Variants in IL18 observed in about 807,000 individuals in gnomAD.
The protein encoded by IL18 is interleukin 18, also known as interleukin-18.
A neutral mutation model predicts 14.2 loss-of-function variants in IL18; 8 were observed. The observed-to-expected ratio is 0.56, with a 90% CI of 0.33 to 1.01. The LOEUF is 1.01. Among genes scored for constraint, IL18 ranks in the 50% least tolerant of loss-of-function variants. The pLI is 0.03. For missense variants in IL18, 166 were observed against 231.1 expected (o/e 0.72, Z 1.83); for synonymous variants, 67 against 71.0 (o/e 0.94, Z 0.28).
intron 1 of IL18, among the ~76,000 whole-genome samples, chr11:112,162,231 T>A (rs1011730322): frequency 2.6e-5 from 4 of 152,196 alleles, no homozygotes; most frequent in Non-Finnish European, 5.9e-5. Flanking sequence ...CAAAGAATGC[T>A]TAAAGATTTG....
intron 5 of IL18, among the ~76,000 whole-genome samples, chr11:112,144,813 G>T (rs766461442): frequency 6.6e-6 from 1 of 152,220 alleles, no homozygotes; most frequent in Non-Finnish European, 1.5e-5. Context: ...CCCTGCCTTA[G>T]AAGGCCAAAT....
intron 5 of IL18, among the ~76,000 whole-genome samples, chr11:112,147,600 G>C (rs1262524085): frequency 6.6e-6 from 1 of 152,302 alleles, no homozygotes. Context: ...TCACCTGAAG[G>C]GGTGGCACTC....
In IL18 at chr11:112,154,988, C is replaced by G. The variant is rs200077778; in HGVS notation, c.66G>C (p.Thr22=). ...NFVAMKFIDN[T]LYFIAEDDEN... ...CATTAGCCTTACCTATAAAGTAAAGCGTATTGTCAATAAATTTCATTGCCA... is the reference window on the plus strand; with the variant it reads ...CATTAGCCTTACCTATAAAGTAAAGGGTATTGTCAATAAATTTCATTGCCA... Residue 22 remains threonine, a synonymous_variant, in exon 2 of 6, where the codon ACG becomes ACC. Transcript: ENST00000280357. 10 of 1,604,220 alleles carry G rather than the reference C, an allele frequency of 6.2e-6. No individual in the cohort carries two copies. In the African/African-American group the frequency reaches 1.3e-4, roughly 21 times the overall value.
chr11:112,150,034 A>T, intron 4 of IL18, 38 bp downstream of exon 4: 1 of 1,554,514 alleles, frequency 6.4e-7, no homozygotes, highest in Non-Finnish European at 8.7e-7. Flanking sequence ...GGGAAGAAGT[A>T]GCTAGTCATT....
chr11:112,148,753 A>G lies in IL18; in HGVS notation c.227-17T>C. 1 of 1,358,450 alleles carries G rather than the reference A, an allele frequency of 7.4e-7. No homozygotes were observed. The highest frequency in any genetic ancestry group is 9.7e-7 in the Non-Finnish European group (1 of 1,032,624). 84.1% of individuals were successfully genotyped at this position (1,358,450 alleles called of 1,614,324 possible). Reference sequence around the variant, plus strand: ...GTGCATTATCTGAAATAAATATAATAAATGAGAACTCTAGTTAGAAGAATT... The same window carrying G: ...GTGCATTATCTGAAATAAATATAATGAATGAGAACTCTAGTTAGAAGAATT... On this transcript the variant is annotated splice_polypyrimidine_tract_variant and intron_variant, in intron 4 of 5. Coordinates refer to ENST00000280357, the MANE Select transcript of IL18 (RefSeq NM_001562.4).
At chr11:112,151,862 C>T (rs1866444680) in intron 3 of IL18, among the ~76,000 whole-genome samples, 1 of 152,172 alleles carries the variant, frequency 6.6e-6, no homozygotes, top group African/African-American at 2.4e-5. Context: ...TTTGGTTAGT[C>T]TGCTCTCTGT....
At chr11:112,162,357 T>C (rs75713016) in intron 1 of IL18, among the ~76,000 whole-genome samples, 2 of 151,164 alleles carry the variant, frequency 1.3e-5, no homozygotes, top group Non-Finnish European at 3.0e-5. Flanking sequence ...TTTTTTTTTT[T>C]TGAGACATGG....
intron 1 of IL18, among the ~76,000 whole-genome samples, chr11:112,157,495 C>G (rs1477484903): frequency 6.6e-6 from 1 of 152,194 alleles, no homozygotes; most frequent in Non-Finnish European, 1.5e-5. Flanking sequence ...TTGGCTCCTA[C>G]TCTCCAGTGA....
chr11:112,158,445 C>T (rs1239626371), intron 1 of IL18, among the ~76,000 whole-genome samples: 1 of 149,516 alleles, frequency 6.7e-6, no homozygotes, highest in Non-Finnish European at 1.5e-5. Context: ...CTCCACACAG[C>T]CTATTATGGT....
chr11:112,148,839 A>G, intron 4 of IL18, 103 bp from the exon 5 acceptor site: 2 of 616,160 alleles, frequency 3.2e-6, no homozygotes, highest in Middle Eastern at 4.9e-4. Flanking sequence ...ACCTGTTCCC[A>G]CTTTGAGACT....
At chr11:112,146,665 C>T (rs1866348427) in intron 5 of IL18, among the ~76,000 whole-genome samples, 1 of 152,006 alleles carries the variant, frequency 6.6e-6, no homozygotes, top group African/African-American at 2.4e-5. Context: ...CTTTTATAAC[C>T]ACTGCTAAGA....
chr11:112,143,935 C>T (rs1363881068), intron 5 of IL18, 118 bp from the exon 6 acceptor site: 1 of 664,450 alleles, frequency 1.5e-6, no homozygotes, highest in Admixed American at 3.0e-5. Flanking sequence ...TCAAGAGTTA[C>T]ATAAAAAAAA....
intron 1 of IL18, among the ~76,000 whole-genome samples, chr11:112,163,289 T>G (rs150893115): frequency 4.0e-4 from 61 of 152,354 alleles, no homozygotes; most frequent in African/African-American, 1.4e-3. Flanking sequence ...ATTTTTTGTT[T>G]GCTTTTAATG....
chr11:112,148,844 G>A, intron 4 of IL18, 108 bp from the exon 5 acceptor site: 1 of 593,726 alleles, frequency 1.7e-6, no homozygotes, highest in Non-Finnish European at 2.6e-6. Context: ...TTCCCACTTT[G>A]AGACTTGGCC....
Position 112,147,788 on chromosome 11 carries a change from C to T in IL18, c.360+815G>A, listed in dbSNP as rs117178446. On this transcript the variant is annotated intron_variant, in intron 5 of 5. Coordinates refer to ENST00000280357, the MANE Select transcript of IL18 (RefSeq NM_001562.4). ...AGTGGGGACTGGGTGGGCATGAAAG[C>T]GGTTATTTATTGGCAAATCTCCACT... Among the ~76,000 whole-genome samples the T allele has an allele frequency of 3.2e-4, 48 of 152,152 alleles. 1 individual carries two copies. The East Asian group carries it at 8.5e-3, about 27-fold the overall frequency.
At chr11:112,159,950 T>C (rs1269072412) in intron 1 of IL18, among the ~76,000 whole-genome samples, 1 of 152,102 alleles carries the variant, frequency 6.6e-6, no homozygotes, top group Admixed American at 6.5e-5. Context: ...GGGGGAGAGT[T>C]ATATACATGT....
At chr11:112,151,274 T>C (rs1436823332) in intron 3 of IL18, among the ~76,000 whole-genome samples, 1 of 152,160 alleles carries the variant, frequency 6.6e-6, no homozygotes, top group African/African-American at 2.4e-5. Flanking sequence ...GAGATGTCCA[T>C]ATATATCACT....
At chr11:112,160,540 A>G (rs1866612568) in intron 1 of IL18, among the ~76,000 whole-genome samples, 1 of 152,118 alleles carries the variant, frequency 6.6e-6, no homozygotes, top group Admixed American at 6.6e-5. Flanking sequence ...TCTGAGTTTT[A>G]AGACAATGAG....
chr11:112,156,836 ATAT>A (rs1866542604), intron 1 of IL18, among the ~76,000 whole-genome samples: 1 of 151,254 alleles, frequency 6.6e-6, no homozygotes, highest in Non-Finnish European at 1.5e-5. Context: ...AAACATTTAA[ATAT>A]TATAAATATT....
Sources: allele counts gnomAD v4.1 joint callset (sites outside exome capture counted in the v4.1 genomes callset), GRCh38; gene constraint gnomAD v4.1.1; transcripts MANE v1.5; gene names NCBI Gene and HGNC (gene_info 2026-07-23, HGNC 2026-07-21).